Variants in GYS2 observed in about 807,000 individuals in gnomAD.
GYS2 encodes glycogen synthase 2.
GYS2 carries 80 observed loss-of-function variants against 85.6 expected under a neutral mutation model. That is an observed-to-expected ratio of 0.93 (90% CI 0.78 to 1.13). GYS2 has a LOEUF of 1.13. Ranked by LOEUF, GYS2 falls within the 50% of genes most tolerant of loss-of-function variation. The pLI is 0.00. For synonymous variants in GYS2, 328 were observed against 300.7 expected (o/e 1.09, Z -0.94); for missense variants, 881 against 854.9 (o/e 1.03, Z -0.38).
At chr12:21,600,212 G>A (rs965783529) in intron 1 of GYS2, among the ~76,000 whole-genome samples, 28 of 152,096 alleles carry the variant, frequency 1.8e-4, no homozygotes, top group African/African-American at 6.3e-4. Context: ...TCACTAGAAC[G>A]CCTGGATTCA....
Position 21,539,340 on chromosome 12 carries a change from T to TAGATAG in GYS2, c.1810-3_1810-2insCTATCT. On this transcript the variant is annotated splice_polypyrimidine_tract_variant and splice_region_variant and intron_variant, in intron 14 of 15. Transcript: ENST00000261195. Reference sequence around the variant, plus strand: ...CAGGTGTCTGGCATGCTGGTAATACTATTGATAGAAAGCCAAATCACAGGT... The same window carrying TAGATAG: ...CAGGTGTCTGGCATGCTGGTAATACTAGATAGATTGATAGAAAGCCAAATCACAGGT... 1.9e-6 allele frequency: 3 copies of TAGATAG among 1,582,654 alleles called. No individual in the cohort carries two copies. Among genetic ancestry groups the TAGATAG allele is most frequent in the Non-Finnish European group, 1.7e-6 (2 of 1,151,576 alleles).
At chr12:21,589,966 T>A (rs542607541) in intron 1 of GYS2, among the ~76,000 whole-genome samples, 2 of 151,970 alleles carry the variant, frequency 1.3e-5, no homozygotes, top group African/African-American at 4.8e-5. Context: ...CACAGCTGAG[T>A]GCTACTGCTG....
intron 15 of GYS2, among the ~76,000 whole-genome samples, chr12:21,537,874 A>G (rs189593711): frequency 1.0e-3 from 152 of 152,308 alleles, no homozygotes; most frequent in Non-Finnish European, 1.4e-3. Context: ...ATTGGAGTGC[A>G]TATAATTGAA....
At chr12:21,597,116 A>T (rs1205595321) in intron 1 of GYS2, among the ~76,000 whole-genome samples, 1 of 152,110 alleles carries the variant, frequency 6.6e-6, no homozygotes, top group African/African-American at 2.4e-5. Flanking sequence ...AAAAGAAAAC[A>T]TAAGGGAGAC....
Position 21,575,940 on chromosome 12 carries a change from C to G in GYS2, c.421G>C (p.Gly141Arg), listed in dbSNP as rs149533049. 3.1e-6 allele frequency: 5 copies of G among 1,613,816 alleles called. No homozygotes were observed. Among genetic ancestry groups the G allele is most frequent in the African/African-American group, 1.3e-5 (1 of 75,016 alleles). The change falls in exon 3 of 16, where the codon GGC (glycine) becomes CGC (arginine). Residue 141 changes from glycine to arginine, a missense_variant. Gly to Arg is a moderately radical substitution (Grantham distance 125). Coordinates refer to ENST00000261195, the MANE Select transcript of GYS2 (RefSeq NM_021957.4). ...GCTTCTCGGTCATGATAAGGAATGC[C>G]GACACTGCATGCTTCCCAGAGGTCA... is the stretch of plus-strand genomic sequence containing the variant. ...KGDLWEACSVGIPYHDREAND... is the reference protein window; with the variant it reads ...KGDLWEACSVRIPYHDREAND...
chr12:21,560,630 A>G (rs1434189598), intron 7 of GYS2, 138 bp from the exon 8 acceptor site: 1 of 634,288 alleles, frequency 1.6e-6, no homozygotes. Context: ...TCACAGAGAG[A>G]TTATATTCAC....
chr12:21,597,927 C>T (rs772875531), intron 1 of GYS2, among the ~76,000 whole-genome samples: 4 of 151,926 alleles, frequency 2.6e-5, no homozygotes, highest in African/African-American at 4.8e-5. Context: ...TTATGTTAAA[C>T]GAAATAAGCC....
intron 3 of GYS2, among the ~76,000 whole-genome samples, 165 bp from the exon 4 acceptor site, chr12:21,574,491 G>A (rs1944422688): frequency 6.6e-6 from 1 of 152,062 alleles, no homozygotes; most frequent in African/African-American, 2.4e-5. Flanking sequence ...AGGATTCAGT[G>A]GCATGTTCAT....
chr12:21,577,425 G>A (rs1478296), intron 2 of GYS2, among the ~76,000 whole-genome samples: 147,111 of 152,294 alleles, frequency 0.97, 71,237 homozygotes, highest in Non-Finnish European at 1. Context: ...TGGCTGCAAC[G>A]TGAAAATATC....
chr12:21,592,180 T>C (rs974482669), intron 1 of GYS2, among the ~76,000 whole-genome samples: 1 of 114,482 alleles, frequency 8.7e-6, no homozygotes, highest in Admixed American at 8.8e-5. Context: ...AGAGAGAGAA[T>C]GAAAGAAAGA....
chr12:21,604,462 C>T lies in GYS2; in HGVS notation c.121+10G>A. 1 of 1,547,358 alleles carries T rather than the reference C, an allele frequency of 6.5e-7. No homozygotes were observed. The highest frequency in any genetic ancestry group is 8.9e-7 in the Non-Finnish European group (1 of 1,119,650). On this transcript the variant is annotated intron_variant, in intron 1 of 15. Coordinates refer to ENST00000261195, the MANE Select transcript of GYS2 (RefSeq NM_021957.4). The stretch of plus-strand genomic sequence containing the variant: ...AGGTGTACTGATCCACCTTCAGGAG[C>T]AGTACAAACCTTTATTGGTCACTTC...
At position 21,540,518 on chromosome 12, in the gene GYS2, C is replaced by G; in HGVS notation, c.1701G>C (p.Leu567=). The change falls in exon 14 of 16, where the codon CTG becomes CTC. Residue 567 remains leucine, a synonymous_variant. Coordinates refer to ENST00000261195, the MANE Select transcript of GYS2 (RefSeq NM_021957.4). The part of the protein sequence containing the change: ...FRSPDDSCNQ[L]TKFLYGFCKQ... ...TGCAAAATCCATAGAGAAACTTAGTCAGCTGATTGCAAGAATCATCTGGAG... is the reference window on the plus strand; with the variant it reads ...TGCAAAATCCATAGAGAAACTTAGTGAGCTGATTGCAAGAATCATCTGGAG... 6.2e-7 allele frequency: 1 copy of G among 1,613,910 alleles called. No homozygotes were observed. Among genetic ancestry groups the G allele is most frequent in the Non-Finnish European group, 8.5e-7 (1 of 1,179,848 alleles).
intron 13 of GYS2, among the ~76,000 whole-genome samples, chr12:21,541,275 AAAAAAAAAAAAAAAAAC>A (rs1219698053): frequency 4.4e-5 from 6 of 137,570 alleles, no homozygotes; most frequent in East Asian, 2.0e-4. Context: ...TTCCAAAAAA[AAAAAAAAAAAAAAAAAC>A]AAAAAACCCA....
intron 2 of GYS2, among the ~76,000 whole-genome samples, chr12:21,577,157 A>T (rs1944455794): frequency 6.6e-6 from 1 of 152,130 alleles, no homozygotes; most frequent in African/African-American, 2.4e-5. Context: ...ATTATAATTT[A>T]GTGTTTATCA....
intron 15 of GYS2, chr12:21,537,378 A>C (rs1943922397): frequency 5.0e-6 from 3 of 602,446 alleles, no homozygotes; most frequent in Non-Finnish European, 8.8e-6. Context: ...TTTATTAAGT[A>C]CTGAAATGTG....
intron 11 of GYS2, among the ~76,000 whole-genome samples, chr12:21,550,593 C>T (rs1028481161): frequency 1.3e-5 from 2 of 152,040 alleles, no homozygotes; most frequent in Non-Finnish European, 2.9e-5. Context: ...CCTTATGTTG[C>T]CCACCAAATG....
Position 21,604,803 on chromosome 12 carries a change from T to A in GYS2, c.-211A>T, listed in dbSNP as rs1944789310. The A allele has an allele frequency of 1.5e-6, 2 of 1,341,190 alleles. No homozygotes were observed. Among genetic ancestry groups the A allele is most frequent in the Admixed American group, 5.7e-5 (2 of 34,934 alleles). The allele number at this position is 1,341,190 out of a possible 1,614,324, so 83.1% of individuals were successfully genotyped here. A position where few individuals can be genotyped will look rare whatever the true frequency, so the allele number is the denominator to read the frequency against. On this transcript the variant is annotated 5_prime_UTR_variant, in exon 1 of 16. Coordinates refer to ENST00000261195, the MANE Select transcript of GYS2 (RefSeq NM_021957.4). ...GAATTCTTCCTCCTCTTTCTCGTCT[T>A]TCTGGGCAGGTATTGTGAGGACGGT...
intron 1 of GYS2, among the ~76,000 whole-genome samples, chr12:21,587,589 C>G (rs1019060195): frequency 1.3e-5 from 2 of 152,044 alleles, no homozygotes; most frequent in African/African-American, 4.8e-5. Context: ...GTAAGTTTCC[C>G]GAGGCCTCCC....
At chr12:21,535,068 A>C (rs10431252), downstream of GYS2, 81,087 of 152,084 alleles carry the variant, frequency 0.53, 23,596 homozygotes, top group East Asian at 0.77. Context: ...TAGGGGACTG[A>C]GTACAGGATA....
Sources: gnomAD v4.1 joint callset for allele counts (sites outside exome capture counted in the v4.1 genomes callset) on GRCh38, gnomAD v4.1.1 for gene constraint, MANE v1.5 for transcripts, NCBI Gene and HGNC (gene_info 2026-07-23, HGNC 2026-07-21) for gene names.